The following EPHA3 variants were observed in gnomAD, a reference collection of about 807,000 sequenced individuals.
EPHA3 encodes EPH receptor A3.
Under a neutral mutation model 107.1 loss-of-function variants are expected in EPHA3, and 42 were observed. The ratio of observed to expected loss-of-function variants is 0.39; its 90% CI spans 0.31 to 0.51. The LOEUF (loss-of-function observed/expected upper bound fraction) is 0.51, where lower values mean the gene tolerates loss of function less well. Among genes scored for constraint, EPHA3 ranks in the 20% least tolerant of loss-of-function variants. EPHA3 has a pLI of 0.78. For synonymous variants in EPHA3, 461 were observed against 424.8 expected, an observed-to-expected ratio of 1.09 and a Z score of -1.05; for missense variants, 1,183 against 1,211.2, an observed-to-expected ratio of 0.98 and a Z score of 0.35.
intron 5 of EPHA3, among the ~76,000 whole-genome samples, chr3:89,354,868 T>G (rs989203446): frequency 2.0e-5 from 3 of 150,930 alleles, no homozygotes; most frequent in African/African-American, 7.3e-5. Context: ...AAGGAGAGGC[T>G]TTGCACAAAA....
At chr3:89,149,371 T>C (rs1472963595) in intron 2 of EPHA3, among the ~76,000 whole-genome samples, 2 of 152,010 alleles carry the variant, frequency 1.3e-5, no homozygotes, top group Non-Finnish European at 2.9e-5. Flanking sequence ...TAGAAAACCA[T>C]TGAAATAAGA....
At chr3:89,234,914 GCCTTCCTTCCCTC>G (rs1390441619) in intron 3 of EPHA3, among the ~76,000 whole-genome samples, 1 of 79,636 alleles carries the variant, frequency 1.3e-5, no homozygotes, top group Non-Finnish European at 2.5e-5. Context: ...CTTCCTTCCT[GCCTTCCTTCCCTC>G]CCTTCCTTCC....
At chr3:89,411,371 G>C (rs1289320400) in intron 9 of EPHA3, among the ~76,000 whole-genome samples, 1 of 151,808 alleles carries the variant, frequency 6.6e-6, no homozygotes, top group Non-Finnish European at 1.5e-5. Context: ...GCCTCAAGCT[G>C]GATAGCAGCT....
intron 5 of EPHA3, among the ~76,000 whole-genome samples, chr3:89,377,653 T>C (rs1180484535): frequency 6.6e-6 from 1 of 152,124 alleles, no homozygotes; most frequent in Admixed American, 6.6e-5. Flanking sequence ...TCCCTCATTT[T>C]TTTTCCTAGC....
At chr3:89,178,148 T>C (rs1372835561) in intron 2 of EPHA3, among the ~76,000 whole-genome samples, 1 of 152,132 alleles carries the variant, frequency 6.6e-6, no homozygotes, top group Non-Finnish European at 1.5e-5. Context: ...TACTGAACTT[T>C]TTCAAGGTGC....
At position 89,387,118 on chromosome 3, in the gene EPHA3, A is replaced by C. The variant is rs1708637673; in HGVS notation, c.1307-8719A>C. Among the ~76,000 whole-genome samples, 3 of 152,150 alleles carry C rather than the reference A, an allele frequency of 2.0e-5. No individual in the cohort carries two copies. In the South Asian group the frequency reaches 6.2e-4, roughly 32 times the overall value. On this transcript the variant is annotated intron_variant, in intron 5 of 16. Transcript: ENST00000336596. ...GAGTTAAGACTTTGGGGACCATTGG[A>C]AGGGCATGATTATGTTTTAAAATGT... is the stretch of plus-strand genomic sequence containing the variant.
rs144153931 is a variant in EPHA3, at chr3:89,450,227, C to T, written c.2547C>T (p.Cys849=). 33 of 1,613,432 alleles carry T rather than the reference C, an allele frequency of 2.0e-5. No homozygotes were observed. The African/African-American group carries it at 3.3e-4, about 16-fold the overall frequency. Residue 849 remains cysteine, a synonymous_variant, in exon 15 of 17, where the codon TGC becomes TGT. Coordinates refer to ENST00000336596, the MANE Select transcript of EPHA3 (RefSeq NM_005233.6). ...ATCGACTGCCACCCCCCATGGACTGCCCAGCTGCCTTGTATCAGCTGATGC... is the reference window on the plus strand; with the variant it reads ...ATCGACTGCCACCCCCCATGGACTGTCCAGCTGCCTTGTATCAGCTGATGC... ...EGYRLPPPMD[C]PAALYQLMLD...
intron 13 of EPHA3, among the ~76,000 whole-genome samples, chr3:89,448,055 C>T (rs1312652576): frequency 6.6e-6 from 1 of 152,126 alleles, no homozygotes; most frequent in Non-Finnish European, 1.5e-5. Flanking sequence ...AGTGACTTCA[C>T]TTGAAATTGA....
At chr3:89,357,602 T>C (rs1707995376) in intron 5 of EPHA3, among the ~76,000 whole-genome samples, 2 of 151,384 alleles carry the variant, frequency 1.3e-5, no homozygotes, top group Admixed American at 6.6e-5. Context: ...TGGATATTTA[T>C]ACAGATTTTC....
At chr3:89,458,271 A>C (rs1710140027) in intron 15 of EPHA3, among the ~76,000 whole-genome samples, 1 of 152,112 alleles carries the variant, frequency 6.6e-6, no homozygotes, top group Non-Finnish European at 1.5e-5. Context: ...ACCAAGAGAG[A>C]AAGAAAATTC....
chr3:89,136,234 A>G (rs548353699), intron 2 of EPHA3, among the ~76,000 whole-genome samples: 2 of 151,424 alleles, frequency 1.3e-5, no homozygotes, highest in Admixed American at 1.3e-4. Context: ...TTTTCTGACT[A>G]AACTCTATTT....
rs548211469 is a variant in EPHA3, at chr3:89,372,140, C to T, written c.1307-23697C>T. Among the ~76,000 whole-genome samples the T allele has an allele frequency of 1.1e-4, 16 of 151,678 alleles. No homozygotes were observed. The East Asian group carries it at 3.1e-3, about 30-fold the overall frequency. On this transcript the variant is annotated intron_variant, in intron 5 of 16. Transcript: ENST00000336596. ...GATAAAATTGGCATTGACATTTGCC[C>T]ATCTTGGAATCTATGGATTGATCCA...
At chr3:89,359,265 A>G (rs567701470) in intron 5 of EPHA3, among the ~76,000 whole-genome samples, 1 of 151,124 alleles carries the variant, frequency 6.6e-6, no homozygotes, top group African/African-American at 2.4e-5. Flanking sequence ...ACACTAACAT[A>G]ATAGTAAGTC....
intron 16 of EPHA3, 65 bp downstream of exon 16, chr3:89,472,684 AAGAT>A: frequency 1.1e-6 from 1 of 889,360 alleles, no homozygotes; most frequent in Admixed American, 3.1e-5. Context: ...CTTGACATGA[AAGAT>A]TTGTAACATC....
intron 2 of EPHA3, among the ~76,000 whole-genome samples, chr3:89,136,354 T>TTTTA (rs1704314681): frequency 7.7e-6 from 1 of 130,458 alleles, no homozygotes; most frequent in African/African-American, 2.8e-5. Flanking sequence ...TTTTTTTTTT[T>TTTTA]GACCCTTTCC....
At chr3:89,399,726 GT>G (rs368368368) in intron 7 of EPHA3, 17,620 of 955,648 alleles carry the variant, frequency 0.018, 20 homozygotes, top group East Asian at 0.027. Context: ...AAATGCTTCT[GT>G]TTTTTTTTTT....
intron 2 of EPHA3, among the ~76,000 whole-genome samples, chr3:89,198,213 G>A (rs1009418544): frequency 4.6e-5 from 7 of 151,982 alleles, no homozygotes; most frequent in African/African-American, 1.4e-4. Flanking sequence ...AGTATATTCC[G>A]GTGACATTTT....
chr3:89,346,766 C>A lies in EPHA3; in HGVS notation c.1306+4676C>A, dbSNP rs1359976997. ...ATGGTTTTAGGTCTAACGTTTAAGT[C>A]TTTAATCCATCTTGAATTGATTTTT... On this transcript the variant is annotated intron_variant, in intron 5 of 16. Coordinates refer to ENST00000336596, the MANE Select transcript of EPHA3 (RefSeq NM_005233.6). Among the ~76,000 whole-genome samples, 2 of 146,986 alleles carry A rather than the reference C, an allele frequency of 1.4e-5. 1 individual carries two copies. The highest frequency in any genetic ancestry group is 3.1e-5 in the Non-Finnish European group (2 of 65,366).
intron 3 of EPHA3, among the ~76,000 whole-genome samples, chr3:89,219,447 G>C (rs1704295841): frequency 6.6e-6 from 1 of 151,984 alleles, no homozygotes; most frequent in Non-Finnish European, 1.5e-5. Flanking sequence ...ACAGGCATGA[G>C]CCTCCGTGCC....
Sources: allele counts gnomAD v4.1 joint callset (sites outside exome capture counted in the v4.1 genomes callset), GRCh38; gene constraint gnomAD v4.1.1; transcripts MANE v1.5; gene names NCBI Gene and HGNC (gene_info 2026-07-23, HGNC 2026-07-21).